Variants in NALF1 observed in about 807,000 individuals in gnomAD.
NALF1 encodes the protein NALCN channel auxiliary factor 1.
Under a neutral mutation model 48.4 loss-of-function variants are expected in NALF1, and 3 were observed. That is an observed-to-expected ratio of 0.06 (90% CI 0.03 to 0.16). The LOEUF (loss-of-function observed/expected upper bound fraction) is 0.16, where lower values mean the gene tolerates loss of function less well. Ranked by LOEUF, NALF1 falls within the 10% of genes least tolerant of loss-of-function variation. NALF1 has a pLI of 1.00. For missense variants in NALF1, 526 were observed against 571.5 expected, an observed-to-expected ratio of 0.92 and a Z score of 0.81; for synonymous variants, 262 against 245.7, an observed-to-expected ratio of 1.07 and a Z score of -0.62.
chr13:107,829,655 T>G (rs1434280676), intron 1 of NALF1, among the ~76,000 whole-genome samples: 2 of 152,186 alleles, frequency 1.3e-5, no homozygotes, highest in East Asian at 3.8e-4. Flanking sequence ...GTATTATTGT[T>G]GCTTCAGAAC....
intron 1 of NALF1, among the ~76,000 whole-genome samples, chr13:107,442,945 A>G (rs969795417): frequency 1.3e-5 from 2 of 152,184 alleles, no homozygotes; most frequent in African/African-American, 4.8e-5. Flanking sequence ...TAGGGCATAG[A>G]ACAACAGTTT....
chr13:107,465,208 A>G (rs1022015483), intron 1 of NALF1, among the ~76,000 whole-genome samples: 43 of 151,984 alleles, frequency 2.8e-4, no homozygotes, highest in Non-Finnish European at 2.9e-5. Context: ...TTTTTTTAAT[A>G]TAAAAGGAAA....
chr13:107,238,538 G>A (rs958536761), intron 1 of NALF1, among the ~76,000 whole-genome samples: 3 of 152,112 alleles, frequency 2.0e-5, no homozygotes, highest in African/African-American at 7.2e-5. Context: ...TTTAATCGAA[G>A]GTAAAAATCT....
intron 1 of NALF1, among the ~76,000 whole-genome samples, chr13:107,619,928 T>C (rs1410485315): frequency 6.6e-6 from 1 of 152,230 alleles, no homozygotes; most frequent in Non-Finnish European, 1.5e-5. Context: ...TGTGTGGGCA[T>C]CCTGTCATTC....
At chr13:107,777,130 A>G (rs1417908) in intron 1 of NALF1, among the ~76,000 whole-genome samples, 12,345 of 152,212 alleles carry the variant, frequency 0.081, 632 homozygotes, top group East Asian at 0.17. Flanking sequence ...ACATTTACTG[A>G]TATTTCTATA....
chr13:107,199,796 C>T (rs562039224), intron 2 of NALF1, among the ~76,000 whole-genome samples: 1 of 152,294 alleles, frequency 6.6e-6, no homozygotes, highest in Admixed American at 6.5e-5. Flanking sequence ...TTCTTTCTGA[C>T]TCCCAATGGA....
Position 107,560,279 on chromosome 13 carries a change from G to A in NALF1, c.915+305403C>T, listed in dbSNP as rs563536807. Among the ~76,000 whole-genome samples the A allele has an allele frequency of 1.6e-4, 24 of 152,120 alleles. No homozygotes were observed. In the East Asian group the frequency reaches 2.3e-3, roughly 15 times the overall value. On this transcript the variant is annotated intron_variant, in intron 1 of 2. Coordinates refer to ENST00000375915, the MANE Select transcript of NALF1 (RefSeq NM_001080396.3). ...CCAGAAAAGGAGGAAAATGAGGATG[G>A]GTCTTCTGCAATGTAGACTGGATGG...
At chr13:107,262,769 G>GCGCTCTCTCTCTCTCTCTCTCTCTCTCT (rs36027059) in intron 1 of NALF1, among the ~76,000 whole-genome samples, 1 of 144,032 alleles carries the variant, frequency 6.9e-6, no homozygotes, top group African/African-American at 2.7e-5. Flanking sequence ...ACCCACAGGC[G>GCGCTCTCTCTCTCTCTCTCTCTCTCTCT]CTCTCTCTCT....
intron 1 of NALF1, among the ~76,000 whole-genome samples, chr13:107,747,779 A>G (rs1181035131): frequency 6.6e-6 from 1 of 152,182 alleles, no homozygotes; most frequent in Non-Finnish European, 1.5e-5. Context: ...GTTTTTAATC[A>G]AAGGACACAC....
intron 1 of NALF1, chr13:107,788,482 T>C (rs1878137170): frequency 6.6e-6 from 1 of 152,338 alleles, no homozygotes; most frequent in African/African-American, 2.4e-5. Context: ...CTTCCTGCAA[T>C]ATCTTCTTCC....
intron 1 of NALF1, among the ~76,000 whole-genome samples, chr13:107,485,999 G>A (rs1885323844): frequency 1.3e-5 from 2 of 152,126 alleles, no homozygotes; most frequent in African/African-American, 4.8e-5. Flanking sequence ...TGTGCTCATG[G>A]CACTTAAAAG....
chr13:107,615,694 C>G (rs1242636321), intron 1 of NALF1, among the ~76,000 whole-genome samples: 1 of 152,178 alleles, frequency 6.6e-6, no homozygotes, highest in African/African-American at 2.4e-5. Flanking sequence ...TGCACTGGTC[C>G]ATACTAGTCA....
At chr13:107,710,944 T>C (rs1228587131) in intron 1 of NALF1, among the ~76,000 whole-genome samples, 1 of 151,712 alleles carries the variant, frequency 6.6e-6, no homozygotes, top group Non-Finnish European at 1.5e-5. Flanking sequence ...TATACACACA[T>C]ACATTCCTAG....
chr13:107,567,073 A>G (rs981266291), intron 1 of NALF1, among the ~76,000 whole-genome samples: 2 of 152,224 alleles, frequency 1.3e-5, no homozygotes, highest in East Asian at 3.8e-4. Context: ...AAATGAAAAA[A>G]TGCTACACTC....
At position 107,469,692 on chromosome 13, in the gene NALF1, G is replaced by A. The variant is rs1241196187; in HGVS notation, c.916-258937C>T. Among the ~76,000 whole-genome samples, 5 of 145,388 alleles carry A rather than the reference G, an allele frequency of 3.4e-5. No individual in the cohort carries two copies. The East Asian group carries it at 1.0e-3, about 29-fold the overall frequency. On this transcript the variant is annotated intron_variant, in intron 1 of 2. Transcript: ENST00000375915. ...TTTTTATCTGTAGTTGGTTGAATCT[G>A]TGGATGTAGAACCCGTAAATGCGAT... is the stretch of plus-strand genomic sequence containing the variant.
chr13:107,345,084 T>TACAC (rs748499216), intron 1 of NALF1, among the ~76,000 whole-genome samples: 23 of 150,196 alleles, frequency 1.5e-4, no homozygotes, highest in Non-Finnish European at 3.1e-4. Context: ...TAATAGCAGC[T>TACAC]ACACACACAC....
chr13:107,640,145 TA>T (rs1042127648), intron 1 of NALF1, among the ~76,000 whole-genome samples: 8 of 152,162 alleles, frequency 5.3e-5, no homozygotes, highest in Admixed American at 5.2e-4. Context: ...TTTAAAATTA[TA>T]ATTAAAAGAA....
At chr13:107,493,549 A>G (rs922912249) in intron 1 of NALF1, among the ~76,000 whole-genome samples, 1 of 152,154 alleles carries the variant, frequency 6.6e-6, no homozygotes, top group African/African-American at 2.4e-5. Flanking sequence ...AGAAGTTTAC[A>G]GTTCTGAGGG....
rs1276002150 is a variant in NALF1 at position 107,169,924 on chromosome 13, G to T, written c.*573C>A. The stretch of plus-strand genomic sequence containing the variant: ...GGGAAGGGTGTTGTTGGTTCTGTGG[G>T]TAGAAGGGAGACTTAGGGATTTTTT... On this transcript the variant is annotated 3_prime_UTR_variant, in exon 3 of 3. Coordinates refer to ENST00000375915, the MANE Select transcript of NALF1 (RefSeq NM_001080396.3). 1 of 152,610 alleles carries T rather than the reference G, an allele frequency of 6.6e-6. No homozygotes were observed. Among genetic ancestry groups the T allele is most frequent in the African/African-American group, 2.4e-5 (1 of 41,386 alleles). 9.5% of individuals were successfully genotyped at this position (152,610 alleles called of 1,614,324 possible).
Sources: gnomAD v4.1 joint callset for allele counts (sites outside exome capture counted in the v4.1 genomes callset) on GRCh38, gnomAD v4.1.1 for gene constraint, MANE v1.5 for transcripts, NCBI Gene and HGNC (gene_info 2026-07-23, HGNC 2026-07-21) for gene names.